ERBB4: variants seen among roughly 807,000 people sequenced by gnomAD.
ERBB4 encodes the protein receptor tyrosine-protein kinase erbB-4.
In ERBB4, 42 loss-of-function variants were observed where a neutral mutation model predicts 158.0. The observed-to-expected ratio is 0.27, with a 90% CI of 0.21 to 0.34. The LOEUF (loss-of-function observed/expected upper bound fraction) is 0.34. ERBB4 is among the 10% of genes least tolerant of loss of function. The probability of loss-of-function intolerance (pLI) is 1.00; values close to 1 mark genes in which losing one functional copy is unlikely to be tolerated. For missense variants in ERBB4, 1,333 were observed against 1,624.1 expected (o/e 0.82, Z 3.08); for synonymous variants, 583 against 558.7 (o/e 1.04, Z -0.61).
rs2081881498 is a variant in ERBB4 at position 211,984,305 on chromosome 2, A to G, written c.235-36689T>C. The stretch of plus-strand genomic sequence containing the variant: ...TTTTAATATTATCATACCAGGAATT[A>G]GGTTCTAATGTATGAATCTTCAGGG... On this transcript the variant is annotated intron_variant, in intron 2 of 27. Coordinates refer to ENST00000342788, the MANE Select transcript of ERBB4 (RefSeq NM_005235.3). Among the ~76,000 whole-genome samples, 4 of 152,206 alleles carry G rather than the reference A, an allele frequency of 2.6e-5. No individual in the cohort carries two copies. In the South Asian group the frequency reaches 8.3e-4, roughly 32 times the overall value.
intron 4 of ERBB4, among the ~76,000 whole-genome samples, chr2:211,753,749 T>A (rs927743120): frequency 6.8e-6 from 1 of 147,324 alleles, no homozygotes; most frequent in African/African-American, 2.5e-5. Flanking sequence ...ATATATATAT[T>A]TAATATATAT....
At chr2:212,050,152 C>G (rs1408410748) in intron 2 of ERBB4, among the ~76,000 whole-genome samples, 3 of 151,376 alleles carry the variant, frequency 2.0e-5, no homozygotes, top group African/African-American at 7.3e-5. Flanking sequence ...TTCATATTGT[C>G]TTTTTTTTTC....
At chr2:211,846,771 A>G (rs1246981087) in intron 3 of ERBB4, among the ~76,000 whole-genome samples, 1 of 152,164 alleles carries the variant, frequency 6.6e-6, no homozygotes, top group African/African-American at 2.4e-5. Flanking sequence ...CGGCATTTGC[A>G]AAGTCTGAAG....
At chr2:211,860,108 C>T (rs1461874788) in intron 3 of ERBB4, among the ~76,000 whole-genome samples, 1 of 152,102 alleles carries the variant, frequency 6.6e-6, no homozygotes, top group Non-Finnish European at 1.5e-5. Flanking sequence ...TTCTGGAAGT[C>T]TATGTGAGAA....
intron 3 of ERBB4, among the ~76,000 whole-genome samples, chr2:211,911,819 T>TCC (rs1476213780): frequency 7.0e-6 from 1 of 143,836 alleles, no homozygotes; most frequent in Non-Finnish European, 1.5e-5. Context: ...TTTTATTCTT[T>TCC]TCTTTTTTTT....
rs193163095 is a variant in ERBB4, at chr2:211,608,557, C to A, written c.2301+10620G>T. Among the ~76,000 whole-genome samples, 22 of 152,244 alleles carry A rather than the reference C, an allele frequency of 1.4e-4. No individual in the cohort carries two copies. The East Asian group carries it at 2.9e-3, about 20-fold the overall frequency. ...GCATTCTTGTAGCCCAATATAGATACAAAGAATCATTTAATTCTTTATAAT... is the reference window on the plus strand; with the variant it reads ...GCATTCTTGTAGCCCAATATAGATAAAAAGAATCATTTAATTCTTTATAAT... On this transcript the variant is annotated intron_variant, in intron 19 of 27. Coordinates refer to ENST00000342788, the MANE Select transcript of ERBB4 (RefSeq NM_005235.3).
chr2:211,385,187 A>G (rs1464724915), intron 27 of ERBB4, among the ~76,000 whole-genome samples: 1 of 152,184 alleles, frequency 6.6e-6, no homozygotes, highest in Admixed American at 6.5e-5. Context: ...ATATATATAT[A>G]CAGAATAGGT....
intron 1 of ERBB4, among the ~76,000 whole-genome samples, chr2:212,235,025 T>C (rs138520334): frequency 6.6e-6 from 1 of 152,218 alleles, no homozygotes; most frequent in African/African-American, 2.4e-5. Context: ...TTGGTGTTTG[T>C]TGTTTTAGTC....
At chr2:211,691,602 G>GTGTGTGTATA (rs1225867697) in intron 12 of ERBB4, among the ~76,000 whole-genome samples, 16 of 145,322 alleles carry the variant, frequency 1.1e-4, no homozygotes, top group Admixed American at 4.1e-4. Context: ...GTGTGTGTGT[G>GTGTGTGTATA]TATATATATA....
intron 1 of ERBB4, among the ~76,000 whole-genome samples, chr2:212,364,915 G>A (rs2106370102): frequency 2.1e-5 from 1 of 48,500 alleles, no homozygotes; most frequent in Admixed American, 1.6e-4. Flanking sequence ...GTGTGTGTGA[G>A]TGTGTGTGTG....
chr2:212,386,384 A>G lies in ERBB4; in HGVS notation c.82+152065T>C, dbSNP rs187406019. ...TCTCCAGGTTTGGGTGGGGAATGGC[A>G]CAATCATCTACTTATGTCCTTAAGA... is the stretch of plus-strand genomic sequence containing the variant. On this transcript the variant is annotated intron_variant, in intron 1 of 27. Transcript: ENST00000342788. Among the ~76,000 whole-genome samples, 379 of 151,998 alleles carry G rather than the reference A, an allele frequency of 2.5e-3. 2 individuals are homozygous for G. The highest frequency in any genetic ancestry group is 4.4e-3 in the South Asian group (21 of 4,818).
intron 3 of ERBB4, among the ~76,000 whole-genome samples, chr2:211,916,440 A>G (rs1018143210): frequency 1.3e-5 from 2 of 152,296 alleles, no homozygotes; most frequent in East Asian, 3.9e-4. Context: ...TCGGCCTCCC[A>G]AAGCACTGGG....
chr2:212,167,166 TGA>T (rs1462053899), intron 1 of ERBB4, among the ~76,000 whole-genome samples: 2 of 151,908 alleles, frequency 1.3e-5, no homozygotes, highest in African/African-American at 4.8e-5. Context: ...ACCTACAGAA[TGA>T]GAGAAAATTT....
chr2:212,320,217 C>T lies in ERBB4; in HGVS notation c.83-195314G>A, dbSNP rs1247491162. Among the ~76,000 whole-genome samples the T allele has an allele frequency of 3.1e-4, 35 of 112,856 alleles. 3 individuals are homozygous for T. The highest frequency in any genetic ancestry group is 5.0e-4 in the Non-Finnish European group (24 of 47,596). The allele number at this position is 112,856 out of a possible 152,430, so 74.0% of individuals were successfully genotyped here. Reference sequence around the variant, plus strand: ...TGGGTACATCTACCAGGCAGATTTACGCAGTCATACTTTTATTTTTTTCCT... The same window carrying T: ...TGGGTACATCTACCAGGCAGATTTATGCAGTCATACTTTTATTTTTTTCCT... On this transcript the variant is annotated intron_variant, in intron 1 of 27. Coordinates refer to ENST00000342788, the MANE Select transcript of ERBB4 (RefSeq NM_005235.3).
At chr2:212,320,001 G>C (rs1268655255) in intron 1 of ERBB4, among the ~76,000 whole-genome samples, 5 of 150,050 alleles carry the variant, frequency 3.3e-5, no homozygotes, top group African/African-American at 1.2e-4. Context: ...CAGATAAGTG[G>C]GTGGAATTTT....
Position 211,384,058 on chromosome 2 carries a change from A to G in ERBB4, c.3484T>C (p.Tyr1162His), listed in dbSNP as rs1296596283. The G allele has an allele frequency of 1.2e-6, 2 of 1,609,730 alleles. No individual in the cohort carries two copies. The highest frequency in any genetic ancestry group is 1.7e-6 in the Non-Finnish European group (2 of 1,176,066). Residue 1162 changes from tyrosine (Y) to histidine (H), a missense_variant and splice_region_variant, in exon 28 of 28, where the codon TAC (tyrosine) becomes CAC (histidine). By Grantham distance (83) the Tyr-to-His change is moderately conservative. Coordinates refer to ENST00000342788, the MANE Select transcript of ERBB4 (RefSeq NM_005235.3). Reference sequence around the variant, plus strand: ...GGGTTCTCCTCCACTGGATTCAGGTATTCTAAAGGAATAAAAAAATATCAG... The same window carrying G: ...GGGTTCTCCTCCACTGGATTCAGGTGTTCTAAAGGAATAAAAAAATATCAG... ...TPMRDKPKQEYLNPVEENPFV... is the reference protein window; with the variant it reads ...TPMRDKPKQEHLNPVEENPFV...
chr2:212,101,356 T>TATATATATATACATATATAC (rs1213095963), intron 2 of ERBB4, among the ~76,000 whole-genome samples: 21 of 149,194 alleles, frequency 1.4e-4, no homozygotes. Context: ...TATACATATA[T>TATATATATATACATATATAC]ATATATATAT....
chr2:212,277,875 T>C (rs1394430943), intron 1 of ERBB4, among the ~76,000 whole-genome samples: 4 of 151,742 alleles, frequency 2.6e-5, no homozygotes, highest in Non-Finnish European at 5.9e-5. Context: ...GGAGTATGAT[T>C]ATGTTTCAGG....
At chr2:212,210,732 C>T (rs2082909321) in intron 1 of ERBB4, among the ~76,000 whole-genome samples, 1 of 152,054 alleles carries the variant, frequency 6.6e-6, no homozygotes, top group African/African-American at 2.4e-5. Context: ...TTCCCTTCAC[C>T]ACCTACTCCT....
Sources: allele counts gnomAD v4.1 joint callset (sites outside exome capture counted in the v4.1 genomes callset), GRCh38; gene constraint gnomAD v4.1.1; transcripts MANE v1.5; gene names NCBI Gene and HGNC (gene_info 2026-07-23, HGNC 2026-07-21).